SH2D3C: variants seen among roughly 807,000 people sequenced by gnomAD.
SH2D3C encodes SH2 domain containing 3C, also known as SH2 domain-containing protein 3C.
Under a neutral mutation model 75.2 loss-of-function variants are expected in SH2D3C, and 25 were observed. The ratio of observed to expected loss-of-function variants is 0.33; its 90% CI spans 0.24 to 0.46. The LOEUF is 0.46. Ranked by LOEUF, SH2D3C falls within the 20% of genes least tolerant of loss-of-function variation. The pLI, the probability that SH2D3C is intolerant of heterozygous loss-of-function variation, is 1.00. For missense variants in SH2D3C, 933 were observed against 1,165.3 expected, an observed-to-expected ratio of 0.80 and a Z score of 2.90; for synonymous variants, 450 against 473.7, an observed-to-expected ratio of 0.95 and a Z score of 0.65.
chr9:127,771,536 C>T, intron 2 of SH2D3C: 2 of 401,214 alleles, frequency 5.0e-6, no homozygotes, highest in Non-Finnish European at 8.4e-6. Context: ...CCTCGCCCGC[C>T]CGGCTCCAAC....
At position 127,739,630 on chromosome 9, in the gene SH2D3C, G is replaced by A. The variant is rs1467903123; in HGVS notation, c.2407+52C>T. The A allele has an allele frequency of 6.6e-7, 1 of 1,520,238 alleles. No individual in the cohort carries two copies. The highest frequency in any genetic ancestry group is 1.4e-5 in the African/African-American group (1 of 73,224). 94.2% of individuals were successfully genotyped at this position (1,520,238 alleles called of 1,614,324 possible). A position where few individuals can be genotyped will look rare whatever the true frequency, so the allele number is the denominator to read the frequency against. On this transcript the variant is annotated intron_variant, in intron 11 of 11. Transcript: ENST00000314830. The surrounding 1 kb of genome is among the most constrained non-coding windows in gnomAD (Gnocchi z 4.3). ...GGAGAAAAGGGAAGCAGTGAGGCAG[G>A]TGGAGGGAGGCCCAGGCCTGCAAGC...
chr9:127,744,741 G>T lies in SH2D3C; in HGVS notation c.1623C>A (p.Thr541=), dbSNP rs1350277239. The T allele has an allele frequency of 1.2e-6, 2 of 1,614,130 alleles. No individual in the cohort carries two copies. Among genetic ancestry groups the T allele is most frequent in the Non-Finnish European group, 1.7e-6 (2 of 1,180,060 alleles). Residue 541 remains threonine, a synonymous_variant, in exon 7 of 12, where the codon ACC becomes ACA. Coordinates refer to ENST00000314830, the MANE Select transcript of SH2D3C (RefSeq NM_170600.3). ...TGACTTCCACGATGGGGACTGTGAAGGTCTTGCCCCAGTCCCCTTCAGGGG... is the reference window on the plus strand; with the variant it reads ...TGACTTCCACGATGGGGACTGTGAATGTCTTGCCCCAGTCCCCTTCAGGGG... ...NGAPEGDWGK[T]FTVPIVEVTS... is the part of the protein sequence containing the mutation.
intron 6 of SH2D3C, among the ~76,000 whole-genome samples, chr9:127,746,382 A>G (rs1564412659): frequency 1.3e-5 from 2 of 152,184 alleles, no homozygotes; most frequent in African/African-American, 4.8e-5. Context: ...TTTTTTTTCC[A>G]GAAATGATCT....
chr9:127,740,799 G>C (rs1220299752), intron 9 of SH2D3C, among the ~76,000 whole-genome samples: 2 of 152,208 alleles, frequency 1.3e-5, no homozygotes, highest in Non-Finnish European at 2.9e-5. Flanking sequence ...TCCTGCCTCA[G>C]CCTGCCGAGT....
In SH2D3C at chr9:127,743,013, CAGCCATCTGGG is replaced by C. The variant is rs772199643; in HGVS notation, c.1801-60_1801-50del. On this transcript the variant is annotated intron_variant, in intron 7 of 11. Coordinates refer to ENST00000314830, the MANE Select transcript of SH2D3C (RefSeq NM_170600.3). ...ATTAATATCCTGTCAGGGCTGGCCC[CAGCCATCTGGG>C]AGTCAGAGAGCTTTATCTAAGGGGG... The C allele has an allele frequency of 9.7e-6, 14 of 1,444,496 alleles. No individual in the cohort carries two copies. The East Asian group carries it at 3.3e-4, about 34-fold the overall frequency. The allele number at this position is 1,444,496 out of a possible 1,614,324, so 89.5% of individuals were successfully genotyped here. A position where few individuals can be genotyped will look rare whatever the true frequency, so the allele number is the denominator to read the frequency against.
At chr9:127,752,522 G>C (rs1845230231) in intron 3 of SH2D3C, among the ~76,000 whole-genome samples, 1 of 152,000 alleles carries the variant, frequency 6.6e-6, no homozygotes, top group Admixed American at 6.6e-5. Flanking sequence ...TCTCTCCCTG[G>C]GGCCCCTCGC....
chr9:127,751,397 G>A lies in SH2D3C; in HGVS notation c.556-97C>T. On this transcript the variant is annotated intron_variant, in intron 3 of 11. Coordinates refer to ENST00000314830, the MANE Select transcript of SH2D3C (RefSeq NM_170600.3). The surrounding 1 kb of genome is among the most constrained non-coding windows in gnomAD (Gnocchi z 4.1). ...ACCATGGATGAACTCCTCCTATCCTGGGACTCTGGGAACACTAAGGCACAG... is the reference window on the plus strand; with the variant it reads ...ACCATGGATGAACTCCTCCTATCCTAGGACTCTGGGAACACTAAGGCACAG... 8.2e-7 allele frequency: 1 copy of A among 1,215,672 alleles called. No homozygotes were observed. Among genetic ancestry groups the A allele is most frequent in the Non-Finnish European group, 1.2e-6 (1 of 842,160 alleles). The allele number at this position is 1,215,672 out of a possible 1,614,324, so 75.3% of individuals were successfully genotyped here.
At chr9:127,743,810 C>T (rs1354133985) in intron 7 of SH2D3C, among the ~76,000 whole-genome samples, 6 of 151,954 alleles carry the variant, frequency 3.9e-5, no homozygotes, top group Non-Finnish European at 8.8e-5. Flanking sequence ...AAAGATTTAA[C>T]AAAGCTAAGG....
At chr9:127,771,546 C>T in intron 2 of SH2D3C, 1 of 365,034 alleles carries the variant, frequency 2.7e-6, no homozygotes, top group South Asian at 6.5e-5. Flanking sequence ...CCGGCTCCAA[C>T]GCTCGCTTCC....
chr9:127,767,357 G>A (rs1046828879), intron 2 of SH2D3C: 8 of 1,421,492 alleles, frequency 5.6e-6, no homozygotes, highest in South Asian at 1.5e-5. Flanking sequence ...CATTTTACAG[G>A]GGAGAAAACT....
intron 3 of SH2D3C, among the ~76,000 whole-genome samples, chr9:127,759,508 G>A (rs1225968779): frequency 6.6e-6 from 1 of 152,146 alleles, no homozygotes; most frequent in Non-Finnish European, 1.5e-5. Context: ...GAGCCACTGT[G>A]CCCAGCCTGA....
At position 127,741,950 on chromosome 9, in the gene SH2D3C, G is replaced by A; in HGVS notation, c.1926C>T (p.Thr642=). The stretch of plus-strand genomic sequence containing the variant: ...TGTCCACGGCCAGCATGATGGACAT[G>A]GTGTGGAACCTGTCAGAGCGGCGGG... The part of the protein sequence containing the change: ...LRLDLLERFH[T]MSIMLAVDIL... Residue 642 remains threonine (T), a synonymous_variant, in exon 9 of 12, where the codon ACC becomes ACT. Transcript: ENST00000314830. The A allele has an allele frequency of 6.2e-7, 1 of 1,611,792 alleles. No individual in the cohort carries two copies. Among genetic ancestry groups the A allele is most frequent in the South Asian group, 1.1e-5 (1 of 91,016 alleles).
chr9:127,763,552 A>C (rs1845577377), intron 2 of SH2D3C, among the ~76,000 whole-genome samples: 4 of 152,206 alleles, frequency 2.6e-5, no homozygotes, highest in Non-Finnish European at 4.4e-5. Flanking sequence ...AAAGGGATGC[A>C]TGAATAGTAA....
In SH2D3C at chr9:127,754,273, C is replaced by A. The variant is rs1211273136; in HGVS notation, c.556-2973G>T. 6.6e-6 allele frequency among the ~76,000 whole-genome samples: 1 copy of A among 152,120 alleles called. No individual in the cohort carries two copies. The highest frequency in any genetic ancestry group is 2.4e-5 in the African/African-American group (1 of 41,420). Reference sequence around the variant, plus strand: ...CAGTCCTTCAGGCGGGCTCCGCGAGCGTGTGTGAGCCTGGGGGAGCGAAGA... The same window carrying A: ...CAGTCCTTCAGGCGGGCTCCGCGAGAGTGTGTGAGCCTGGGGGAGCGAAGA... On this transcript the variant is annotated intron_variant, in intron 3 of 11. Coordinates refer to ENST00000314830, the MANE Select transcript of SH2D3C (RefSeq NM_170600.3). The surrounding 1 kb of genome is among the most constrained non-coding windows in gnomAD (Gnocchi z 4.4).
rs527873789 is a variant in SH2D3C, at chr9:127,751,642, G to A, written c.556-342C>T. 2.6e-5 allele frequency among the ~76,000 whole-genome samples: 4 copies of A among 152,380 alleles called. No homozygotes were observed. In the East Asian group the frequency reaches 5.8e-4, roughly 22 times the overall value. ...GCGGTCAGCACCACAGCGCTGGACA[G>A]CGGCAAAGAGCCGGGTGGCTTTTAC... On this transcript the variant is annotated intron_variant, in intron 3 of 11. Coordinates refer to ENST00000314830, the MANE Select transcript of SH2D3C (RefSeq NM_170600.3). This position sits in a 1 kb window ranked among gnomAD's most constrained non-coding sequence, Gnocchi z 4.1.
Position 127,754,975 on chromosome 9 carries a change from G to C in SH2D3C, c.556-3675C>G, listed in dbSNP as rs1022104159. On this transcript the variant is annotated intron_variant, in intron 3 of 11. Transcript: ENST00000314830. This position sits in a 1 kb window ranked among gnomAD's most constrained non-coding sequence, Gnocchi z 4.4. The stretch of plus-strand genomic sequence containing the variant: ...GGGCCCAGCCCAGCCCGACCCTGCC[G>C]GGCGCCGCTGAGCTGCAGCTCCCCG... The C allele has an allele frequency of 3.7e-6, 2 of 537,388 alleles. No homozygotes were observed. Among genetic ancestry groups the C allele is most frequent in the Non-Finnish European group, 5.6e-6 (2 of 356,608 alleles). 33.3% of individuals were successfully genotyped at this position (537,388 alleles called of 1,614,324 possible). A position where few individuals can be genotyped will look rare whatever the true frequency, so the allele number is the denominator to read the frequency against.
At chr9:127,743,969 A>C (rs928109842) in intron 7 of SH2D3C, among the ~76,000 whole-genome samples, 13 of 152,032 alleles carry the variant, frequency 8.6e-5, no homozygotes, top group Non-Finnish European at 1.5e-4. Context: ...CACACTAGAG[A>C]AGTGTCCCCA....
chr9:127,774,171 G>A lies in SH2D3C; in HGVS notation c.334C>T (p.Pro112Ser). 1 of 1,614,026 alleles carries A rather than the reference G, an allele frequency of 6.2e-7. No individual in the cohort carries two copies. Among genetic ancestry groups the A allele is most frequent in the Non-Finnish European group, 8.5e-7 (1 of 1,179,972 alleles). ...GCTGCCTCCAAGCCTGGGGGGTCGG[G>A]TACACCTCCGGGTACCAAGTTGGGC... ...PKPNLVPGGV[P>S]DPPGLEAAKE... is the part of the protein sequence containing the mutation. Residue 112 changes from proline (P) to serine (S), a missense_variant, in exon 2 of 12, where the codon CCC becomes TCC. Coordinates refer to ENST00000314830, the MANE Select transcript of SH2D3C (RefSeq NM_170600.3). The surrounding 1 kb of genome is among the most constrained non-coding windows in gnomAD (Gnocchi z 4.3).
intron 4 of SH2D3C, among the ~76,000 whole-genome samples, chr9:127,750,183 A>T (rs988185913): frequency 5.5e-5 from 8 of 146,716 alleles, no homozygotes; most frequent in Admixed American, 4.7e-4. Context: ...ATTATTATTA[A>T]GATGGAGTCT....
Sources: allele counts gnomAD v4.1 joint callset (sites outside exome capture counted in the v4.1 genomes callset), GRCh38; gene constraint gnomAD v4.1.1; non-coding constraint Gnocchi (gnomAD v3.1); transcripts MANE v1.5; gene names NCBI Gene and HGNC (gene_info 2026-07-23, HGNC 2026-07-21).